IFRD1: variants seen among roughly 807,000 people sequenced by gnomAD.
IFRD1 encodes the protein interferon-related developmental regulator 1.
IFRD1 carries 35 observed loss-of-function variants against 52.9 expected under a neutral mutation model. The observed-to-expected ratio is 0.66, with a 90% confidence interval of 0.51 to 0.88. The LOEUF (loss-of-function observed/expected upper bound fraction) is 0.88. Among genes scored for constraint, IFRD1 ranks in the 40% least tolerant of loss-of-function variants. The pLI is 0.00. For synonymous variants in IFRD1, 184 were observed against 188.4 expected (o/e 0.98, Z 0.19); for missense variants, 517 against 550.8 (o/e 0.94, Z 0.61).
chr7:112,463,879 CACACACACACACACA>C (rs757597577), intron 8 of IFRD1, among the ~76,000 whole-genome samples: 477 of 45,734 alleles, frequency 0.01, 8 homozygotes, highest in African/African-American at 0.046. Context: ...CACACACACA[CACACACACACACACA>C]CCCCACGTAT....
In IFRD1 at chr7:112,450,594, C is replaced by G; in HGVS notation, c.-95C>G. The G allele has an allele frequency of 2.0e-6, 2 of 998,398 alleles. No individual in the cohort carries two copies. Among genetic ancestry groups the G allele is most frequent in the South Asian group, 2.6e-5 (2 of 75,584 alleles). The allele number at this position is 998,398 out of a possible 1,614,324, so 61.8% of individuals were successfully genotyped here. A position where few individuals can be genotyped will look rare whatever the true frequency, so the allele number is the denominator to read the frequency against. On this transcript the variant is annotated 5_prime_UTR_variant, in exon 1 of 12. Coordinates refer to ENST00000403825, the MANE Select transcript of IFRD1 (RefSeq NM_001550.4). The stretch of plus-strand genomic sequence containing the variant: ...TGTTGTTAGCCGAAGACTCGCCTCT[C>G]AGCCGCCCGCCGCACAGACGCACGA...
rs754748545 is a variant in IFRD1, at chr7:112,472,746, A to G, written c.1171-20A>G. ...ATAATGTTTAATACTGAGCCATACC[A>G]CCTTTTTCTTTCACATAAGTCAAAT... On this transcript the variant is annotated intron_variant, in intron 10 of 11. Transcript: ENST00000403825. The G allele has an allele frequency of 2.7e-6, 4 of 1,474,950 alleles. No homozygotes were observed. The highest frequency in any genetic ancestry group is 2.8e-6 in the Non-Finnish European group (3 of 1,053,084). 91.4% of individuals were successfully genotyped at this position (1,474,950 alleles called of 1,614,324 possible). A position where few individuals can be genotyped will look rare whatever the true frequency, so the allele number is the denominator to read the frequency against.
chr7:112,443,363 C>T (rs1231124894), intron 1 of IFRD1, among the ~76,000 whole-genome samples: 1 of 39,526 alleles, frequency 2.5e-5, no homozygotes, highest in Non-Finnish European at 5.2e-5. Context: ...TGCTTGAGCC[C>T]AGGAGTTTGA....
chr7:112,445,253 A>G (rs546059828), intron 1 of IFRD1, among the ~76,000 whole-genome samples: 3 of 151,852 alleles, frequency 2.0e-5, no homozygotes, highest in Admixed American at 2.0e-4. Flanking sequence ...TTTTTAGTAG[A>G]GACGGGGTTT....
upstream of IFRD1, among the ~76,000 whole-genome samples, chr7:112,447,929 T>G (rs1030647930): frequency 6.6e-6 from 1 of 152,154 alleles, no homozygotes; most frequent in African/African-American, 2.4e-5. Context: ...TCCCTTTCCT[T>G]GATCCAGAAT....
chr7:112,441,045 A>C (rs3128392), intron 1 of IFRD1, among the ~76,000 whole-genome samples: 51,732 of 151,874 alleles, frequency 0.34, 10,040 homozygotes, highest in African/African-American at 0.52. Flanking sequence ...GAGGCTGAGG[A>C]GGGTGGATCA....
At chr7:112,466,829 T>A (rs545033177) in intron 8 of IFRD1, among the ~76,000 whole-genome samples, 20 of 152,326 alleles carry the variant, frequency 1.3e-4, no homozygotes, top group Middle Eastern at 3.4e-3. Flanking sequence ...TTGTTTTTTA[T>A]AAATAAAATT....
rs1795920614 is a variant in IFRD1, at chr7:112,477,042, G to C, written c.*1523G>C. The C allele has an allele frequency of 6.6e-6, 1 of 152,098 alleles. No homozygotes were observed. The highest frequency in any genetic ancestry group is 6.6e-5 in the Admixed American group (1 of 15,266). 9.4% of individuals were successfully genotyped at this position (152,098 alleles called of 1,614,324 possible). ...CAGTGGAAAACAGGTTTAGAATCTA[G>C]AACTTGTTTGTATGTTGTCACTTGG... On this transcript the variant is annotated 3_prime_UTR_variant, in exon 12 of 12. Transcript: ENST00000403825.
At position 112,475,979 on chromosome 7, in the gene IFRD1, T is replaced by C. The variant is rs1320901874; in HGVS notation, c.*460T>C. 6.0e-6 allele frequency: 1 copy of C among 166,118 alleles called. No homozygotes were observed. The highest frequency in any genetic ancestry group is 1.3e-5 in the Non-Finnish European group (1 of 77,030). The allele number at this position is 166,118 out of a possible 1,614,324, so 10.3% of individuals were successfully genotyped here. Reference sequence around the variant, plus strand: ...TTTTAATGGAATGTAGCTTTTAAAATCCTGTCACTGGCATCAACAAAAGGA... The same window carrying C: ...TTTTAATGGAATGTAGCTTTTAAAACCCTGTCACTGGCATCAACAAAAGGA... On this transcript the variant is annotated 3_prime_UTR_variant, in exon 12 of 12. Transcript: ENST00000403825.
intron 1 of IFRD1, among the ~76,000 whole-genome samples, chr7:112,432,605 A>G (rs1584464636): frequency 6.6e-6 from 1 of 152,232 alleles, no homozygotes; most frequent in East Asian, 1.9e-4. Flanking sequence ...ACAAATGAGG[A>G]AATGGGACTC....
intron 1 of IFRD1, among the ~76,000 whole-genome samples, chr7:112,438,329 C>T (rs573293197): frequency 2.6e-5 from 4 of 152,166 alleles, no homozygotes; most frequent in East Asian, 1.9e-4. Flanking sequence ...TAAAAGCAAA[C>T]GTGTAGGCAG....
At chr7:112,434,804 T>G (rs1794632556) in intron 1 of IFRD1, among the ~76,000 whole-genome samples, 1 of 152,192 alleles carries the variant, frequency 6.6e-6, no homozygotes, top group Non-Finnish European at 1.5e-5. Flanking sequence ...ATCACACTCA[T>G]ACTATTGTAC....
intron 1 of IFRD1, among the ~76,000 whole-genome samples, chr7:112,438,639 T>C (rs1396329705): frequency 6.6e-6 from 1 of 151,960 alleles, no homozygotes; most frequent in African/African-American, 2.4e-5. Context: ...GATGCGTGAA[T>C]AGAAATAACT....
intron 1 of IFRD1, among the ~76,000 whole-genome samples, chr7:112,443,759 G>A (rs1794952281): frequency 6.6e-6 from 1 of 151,508 alleles, no homozygotes; most frequent in Non-Finnish European, 1.5e-5. Flanking sequence ...TCCCTCGGGA[G>A]GCTTTGGCAG....
In IFRD1 at chr7:112,445,222, A is replaced by G. The variant is rs899566456; in HGVS notation, c.-181-5286A>G. 1.5e-4 allele frequency among the ~76,000 whole-genome samples: 23 copies of G among 151,634 alleles called. No individual in the cohort carries two copies. In the East Asian group the frequency reaches 2.9e-3, roughly 19 times the overall value. On this transcript the variant is annotated intron_variant, in intron 1 of 12. Transcript: ENST00000005558. ...GCTGGGACTACAGGCGCCCGCCACC[A>G]CGCCCGGCTAATTTTTTATATTTTT...
chr7:112,436,523 T>C (rs1166839964), intron 1 of IFRD1, among the ~76,000 whole-genome samples: 3 of 152,068 alleles, frequency 2.0e-5, no homozygotes, highest in Non-Finnish European at 4.4e-5. Context: ...AAATATTTGT[T>C]GAGTGCCTGT....
At chr7:112,445,357 C>T (rs543597862) in intron 1 of IFRD1, among the ~76,000 whole-genome samples, 11 of 152,092 alleles carry the variant, frequency 7.2e-5, no homozygotes, top group African/African-American at 1.9e-4. Flanking sequence ...TGAGTTACCC[C>T]GCCCGGCCGG....
intron 1 of IFRD1, among the ~76,000 whole-genome samples, chr7:112,441,763 G>C (rs151015823): frequency 3.6e-4 from 55 of 152,224 alleles, no homozygotes; most frequent in African/African-American, 9.6e-4. Context: ...CTGAGCTCTC[G>C]TGCTAGACTA....
At chr7:112,432,033 G>A (rs1157763648) in intron 1 of IFRD1, among the ~76,000 whole-genome samples, 1 of 152,170 alleles carries the variant, frequency 6.6e-6, no homozygotes, top group Non-Finnish European at 1.5e-5. Flanking sequence ...AATGCTAGAC[G>A]ATATTAGTCA....
Sources: gnomAD v4.1 joint callset for allele counts (sites outside exome capture counted in the v4.1 genomes callset) on GRCh38, gnomAD v4.1.1 for gene constraint, MANE v1.5 for transcripts, NCBI Gene and HGNC (gene_info 2026-07-23, HGNC 2026-07-21) for gene names.